Variants in COQ2 observed in about 807,000 individuals in gnomAD.
COQ2 encodes the protein 4-hydroxybenzoate polyprenyltransferase, mitochondrial.
A neutral mutation model predicts 35.7 loss-of-function variants in COQ2; 25 were observed. That is an observed-to-expected ratio of 0.70 (90% CI 0.51 to 0.98). The LOEUF is 0.98. Among genes scored for constraint, COQ2 ranks in the 50% least tolerant of loss-of-function variants. The pLI is 0.00. For synonymous variants in COQ2, 206 were observed against 186.2 expected, an observed-to-expected ratio of 1.11 and a Z score of -0.86; for missense variants, 488 against 473.5, an observed-to-expected ratio of 1.03 and a Z score of -0.28.
chr4:83,279,170 CATTTGTTTA>C, intron 1 of COQ2, 56 bp from the exon 2 acceptor site: 4 of 1,486,544 alleles, frequency 2.7e-6, no homozygotes, highest in Non-Finnish European at 3.6e-6. Flanking sequence ...TAACTGTTTT[CATTTGTTTA>C]AACATCACAT....
chr4:83,264,240 C>T lies in COQ2; in HGVS notation c.1075G>A (p.Asp359Asn). 1.3e-6 allele frequency: 2 copies of T among 1,591,348 alleles called. No homozygotes were observed. Among genetic ancestry groups the T allele is most frequent in the African/African-American group, 2.7e-5 (2 of 74,128 alleles). Residue 359 changes from aspartate (D) to asparagine (N), a missense_variant, in exon 7 of 7, where the codon GAC (aspartate) becomes AAC (asparagine). Transcript: ENST00000647002. ...TTCTCTATACCCTTCTTTGTTTTGT[C>T]TGTCTTCTTTTCTTTCCACAAATTC... ...LGNLWKEKKT[D>N]KTKKGIENKI...
rs778094136 is a variant in COQ2, at chr4:83,284,533, T to C, written c.232A>G (p.Met78Val). ...TCACCAATGGGCTTGTCCAACCGCA[T>C]GAGGCGCAAGTACGGCTGCAGGGGG... is the stretch of plus-strand genomic sequence containing the variant. ...PRPLQPYLRL[M>V]RLDKPIGTWL... Residue 78 changes from methionine to valine, a missense_variant, in exon 1 of 7, where the codon ATG (methionine) becomes GTG (valine). Physicochemically the swap from Met to Val is conservative, Grantham distance 21. Coordinates refer to ENST00000647002, the MANE Select transcript of COQ2 (RefSeq NM_001358921.2). The C allele has an allele frequency of 1.6e-5, 26 of 1,576,378 alleles. No individual in the cohort carries two copies. In the East Asian group the frequency reaches 2.8e-4, roughly 17 times the overall value.
chr4:83,264,215 T>C lies in COQ2; in HGVS notation c.1100A>G (p.Asn367Ser), dbSNP rs745619253. ...TTTCATTCATTAATTTTCTATTTTA[T>C]TCTCTATACCCTTCTTTGTTTTGTC... is the stretch of plus-strand genomic sequence containing the variant. ...KTDKTKKGIE[N>S]KIEN The change falls in exon 7 of 7, where the codon AAT (asparagine) becomes AGT (serine). Residue 367 changes from asparagine (N) to serine (S), a missense_variant. By Grantham distance (46) the Asn-to-Ser change is conservative (BLOSUM62 1). Coordinates refer to ENST00000647002, the MANE Select transcript of COQ2 (RefSeq NM_001358921.2). 1.0e-4 allele frequency: 146 copies of C among 1,448,524 alleles called. No homozygotes were observed. The highest frequency in any genetic ancestry group is 1.3e-4 in the Non-Finnish European group (140 of 1,061,688). 89.7% of individuals were successfully genotyped at this position (1,448,524 alleles called of 1,614,324 possible).
At chr4:83,267,462 T>C in intron 6 of COQ2, 124 bp downstream of exon 6, 1 of 788,448 alleles carries the variant, frequency 1.3e-6, no homozygotes, top group Non-Finnish European at 2.0e-6. Flanking sequence ...CTGTTAAAGG[T>C]AGTAGAAGCC....
At position 83,267,652 on chromosome 4, in the gene COQ2, C is replaced by A. The variant is rs533968602; in HGVS notation, c.885G>T (p.Val295=). The A allele has an allele frequency of 1.9e-6, 3 of 1,578,974 alleles. No homozygotes were observed. Among genetic ancestry groups the A allele is most frequent in the South Asian group, 1.2e-5 (1 of 85,904 alleles). ...AMLGALSLVG[V]NSGQTAPYYA... is the part of the protein sequence containing the mutation. The stretch of plus-strand genomic sequence containing the variant: ...AGTAGGGAGCAGTCTGTCCACTGTT[C>A]ACACCCACTAGGCTCAGTGCCCCCA... The change falls in exon 6 of 7, where the codon GTG becomes GTT. Residue 295 remains valine (V), a synonymous_variant. Coordinates refer to ENST00000647002, the MANE Select transcript of COQ2 (RefSeq NM_001358921.2).
chr4:83,283,594 T>C (rs1317746234), intron 1 of COQ2: 3 of 985,378 alleles, frequency 3.0e-6, no homozygotes, highest in East Asian at 2.3e-4. Flanking sequence ...CACTTGCTTT[T>C]GTATCACTCA....
chr4:83,267,650 T>C lies in COQ2; in HGVS notation c.887A>G (p.Asn296Ser), dbSNP rs1442609982. Reference protein sequence around the residue: ...MLGALSLVGVNSGQTAPYYAA... With the variant: ...MLGALSLVGVSSGQTAPYYAA... The stretch of plus-strand genomic sequence containing the variant: ...GTAGTAGGGAGCAGTCTGTCCACTG[T>C]TCACACCCACTAGGCTCAGTGCCCC... The change falls in exon 6 of 7, where the codon AAC (asparagine) becomes AGC (serine). Residue 296 changes from asparagine to serine, a missense_variant. By Grantham distance (46) the Asn-to-Ser change is conservative (BLOSUM62 1). Transcript: ENST00000647002. 6 of 1,579,950 alleles carry C rather than the reference T, an allele frequency of 3.8e-6. No homozygotes were observed. The highest frequency in any genetic ancestry group is 3.6e-5 in the Admixed American group (2 of 55,108).
At chr4:83,285,021 T>G, upstream of COQ2, 3 of 782,116 alleles carry the variant, frequency 3.8e-6, no homozygotes, top group Non-Finnish European at 5.8e-6. Context: ...CAACTCGATC[T>G]TGATTGACTT....
chr4:83,281,636 T>G (rs1266670589), intron 1 of COQ2: 2 of 152,220 alleles, frequency 1.3e-5, no homozygotes, highest in Non-Finnish European at 2.9e-5. Flanking sequence ...GATGACAATA[T>G]TAATGATGTT....
chr4:83,267,436 C>G, intron 6 of COQ2, 150 bp downstream of exon 6: 1 of 643,576 alleles, frequency 1.6e-6, no homozygotes, highest in Non-Finnish European at 2.6e-6. Context: ...AAGTTGAGGC[C>G]GGAGGGCAGG....
rs1735006706 is a variant in COQ2, at chr4:83,269,897, A to G, written c.725T>C (p.Met242Thr). The change falls in exon 5 of 7, where the codon ATG (methionine) becomes ACG (threonine). Residue 242 changes from methionine to threonine, a missense_variant. Met to Thr is a moderately conservative substitution (Grantham distance 81). Transcript: ENST00000647002. ...AATAGTATCATATATTAGTGTCCAC[A>G]TAACTCCAGAAAAATAAAGAGGCAG... ...VCLPLYFSGV[M>T]WTLIYDTIYA... 1.9e-6 allele frequency: 3 copies of G among 1,611,494 alleles called. No individual in the cohort carries two copies. The highest frequency in any genetic ancestry group is 2.5e-6 in the Non-Finnish European group (3 of 1,177,916).
At chr4:83,271,670 A>C (rs1735050041) in intron 4 of COQ2, among the ~76,000 whole-genome samples, 1 of 152,118 alleles carries the variant, frequency 6.6e-6, no homozygotes, top group Admixed American at 6.6e-5. Flanking sequence ...AAAATTAGCC[A>C]GGCAGGGTTG....
intron 3 of COQ2, among the ~76,000 whole-genome samples, chr4:83,272,822 G>A (rs1207113139): frequency 6.6e-6 from 1 of 152,120 alleles, no homozygotes. Flanking sequence ...AAAATAAGAC[G>A]TTCTTAGGAC....
chr4:83,280,410 G>A (rs1364548891), intron 1 of COQ2, among the ~76,000 whole-genome samples: 2 of 152,172 alleles, frequency 1.3e-5, no homozygotes, highest in Non-Finnish European at 2.9e-5. Context: ...AATGACTAAA[G>A]TCCCTGTAAT....
intron 4 of COQ2, among the ~76,000 whole-genome samples, chr4:83,270,673 CCTT>C (rs1322898048): frequency 6.6e-6 from 1 of 152,040 alleles, no homozygotes; most frequent in Non-Finnish European, 1.5e-5. Flanking sequence ...CATGTCCCCT[CCTT>C]AACTGATGAA....
At chr4:83,283,799 A>G (rs1242017681) in intron 1 of COQ2, 1 of 985,376 alleles carries the variant, frequency 1.0e-6, no homozygotes, top group Non-Finnish European at 1.2e-6. Flanking sequence ...GGTGAGTGCT[A>G]TTAAGAAAAA....
Position 83,264,391 on chromosome 4 carries a change from T to C in COQ2, c.952-28A>G, listed in dbSNP as rs773465238. On this transcript the variant is annotated intron_variant, in intron 6 of 6. Transcript: ENST00000647002. The stretch of plus-strand genomic sequence containing the variant: ...GCAAGAGAGGAATACAAAGTTGTAT[T>C]AATACCTAGTCTGGACTTTGGGTCA... The C allele has an allele frequency of 1.9e-6, 3 of 1,571,860 alleles. No homozygotes were observed. The East Asian group carries it at 7.0e-5, about 37-fold the overall frequency.
At chr4:83,276,041 AAAATATATATT>A (rs1560494712) in intron 2 of COQ2, among the ~76,000 whole-genome samples, 12 of 140,010 alleles carry the variant, frequency 8.6e-5, no homozygotes, top group East Asian at 7.9e-4. Context: ...TATAATATAT[AAAATATATATT>A]ATATATAATA....
intron 1 of COQ2, among the ~76,000 whole-genome samples, chr4:83,280,752 AAGG>A (rs1189764443): frequency 2.0e-5 from 3 of 152,216 alleles, no homozygotes; most frequent in African/African-American, 7.2e-5. Context: ...CAGAGAAGTC[AAGG>A]AGAAGCCTCA....
Sources: allele counts gnomAD v4.1 joint callset (sites outside exome capture counted in the v4.1 genomes callset), GRCh38; gene constraint gnomAD v4.1.1; transcripts MANE v1.5; gene names NCBI Gene and HGNC (gene_info 2026-07-23, HGNC 2026-07-21).